The following WDR47 variants were observed in gnomAD, a reference collection of about 807,000 sequenced individuals.
The protein encoded by WDR47 is WD repeat-containing protein 47.
In WDR47, 32 loss-of-function variants were observed where a neutral mutation model predicts 97.2. The observed-to-expected ratio is 0.33, with a 90% CI of 0.25 to 0.44. WDR47 has a LOEUF of 0.44. Ranked by LOEUF, WDR47 falls within the 20% of genes least tolerant of loss-of-function variation. The pLI is 1.00. For missense variants in WDR47, 782 were observed against 1,102.3 expected (o/e 0.71, Z 4.11); for synonymous variants, 375 against 373.5 (o/e 1.00, Z -0.05).
At chr1:109,036,968 C>T (rs534988596) in intron 1 of WDR47, among the ~76,000 whole-genome samples, 122 of 152,304 alleles carry the variant, frequency 8.0e-4, no homozygotes, top group African/African-American at 2.8e-3. Flanking sequence ...TTCTTTATAT[C>T]ATCATCTATT....
intron 7 of WDR47, among the ~76,000 whole-genome samples, chr1:109,000,839 C>A (rs572959004): frequency 3.2e-4 from 48 of 152,262 alleles, no homozygotes; most frequent in African/African-American, 1.1e-3. Context: ...AGCTAACAGT[C>A]ACCATTACAG....
At position 108,991,271 on chromosome 1, in the gene WDR47, T is replaced by G. The variant is rs1173851620; in HGVS notation, c.1750A>C (p.Arg584=). The change falls in exon 9 of 15, where the codon AGG becomes CGG. Residue 584 remains arginine, a synonymous_variant. Coordinates refer to ENST00000369962, the MANE Select transcript of WDR47 (RefSeq NM_001142551.2). ...PLGDSPGSLS[R]SKGEEDDKSK... ...AGTATTACCTCTTCCCCTTTCGACC[T>G]TGAAAGACTCCCTGGAGAATCTCCA... 1.2e-6 allele frequency: 2 copies of G among 1,613,210 alleles called. No individual in the cohort carries two copies. Among genetic ancestry groups the G allele is most frequent in the Non-Finnish European group, 1.7e-6 (2 of 1,179,346 alleles).
intron 7 of WDR47, among the ~76,000 whole-genome samples, chr1:108,999,117 C>A (rs112433561): frequency 2.0e-5 from 3 of 151,926 alleles, no homozygotes; most frequent in African/African-American, 7.2e-5. Context: ...ATTCCAGCTA[C>A]TTGGGAGGCT....
chr1:109,038,001 A>AT (rs1326240005), intron 1 of WDR47, among the ~76,000 whole-genome samples: 25 of 147,876 alleles, frequency 1.7e-4, no homozygotes, highest in Admixed American at 3.4e-4. Flanking sequence ...CTCAGCTAGC[A>AT]TTTTTTTTTT....
intron 1 of WDR47, among the ~76,000 whole-genome samples, chr1:109,032,999 T>C (rs1018424086): frequency 2.0e-5 from 3 of 149,480 alleles, no homozygotes; most frequent in Non-Finnish European, 4.5e-5. Context: ...AAAACACACA[T>C]AAAGAGTTAA....
rs1658506509 is a variant in WDR47, at chr1:108,983,461, A to C, written c.1926-10T>G. 6.5e-7 allele frequency: 1 copy of C among 1,533,766 alleles called. No homozygotes were observed. The highest frequency in any genetic ancestry group is 1.3e-5 in the South Asian group (1 of 78,768). On this transcript the variant is annotated splice_polypyrimidine_tract_variant and intron_variant, in intron 10 of 14. Coordinates refer to ENST00000369962, the MANE Select transcript of WDR47 (RefSeq NM_001142551.2). ...AGGAGTCTCATGTGCACTGAAAAGA[A>C]AAATTACAGAAATATATTTCAATTT...
At chr1:109,012,443 G>A (rs1369223973) in intron 4 of WDR47, among the ~76,000 whole-genome samples, 6 of 151,652 alleles carry the variant, frequency 4.0e-5, no homozygotes, top group African/African-American at 1.5e-4. Context: ...CACAGTGGCG[G>A]GCACCTGTAA....
intron 14 of WDR47, among the ~76,000 whole-genome samples, chr1:108,972,436 C>T (rs932536944): frequency 2.0e-5 from 3 of 152,078 alleles, no homozygotes; most frequent in Non-Finnish European, 4.4e-5. Flanking sequence ...CAGCTCCTAT[C>T]CCTTCCAGTT....
chr1:108,977,050 G>C (rs965549320), intron 13 of WDR47, among the ~76,000 whole-genome samples: 14 of 152,232 alleles, frequency 9.2e-5, no homozygotes, highest in African/African-American at 3.4e-4. Context: ...ACAAGTGAAA[G>C]TGTATGGTAA....
intron 1 of WDR47, chr1:109,030,128 GA>G: frequency 8.4e-7 from 1 of 1,193,404 alleles, no homozygotes; most frequent in Non-Finnish European, 1.2e-6. Flanking sequence ...AACACAAGAA[GA>G]AACGCCTGGT....
chr1:108,992,313 C>T, intron 8 of WDR47: 5 of 774,476 alleles, frequency 6.5e-6, no homozygotes, highest in Non-Finnish European at 1.2e-5. Flanking sequence ...CCGGAGAACC[C>T]CACGGAATCA....
chr1:109,023,962 T>A (rs1208382757), intron 1 of WDR47, among the ~76,000 whole-genome samples: 1 of 152,226 alleles, frequency 6.6e-6, no homozygotes, highest in African/African-American at 2.4e-5. Flanking sequence ...CATGTTTAGC[T>A]ATGTCCCAAA....
chr1:109,027,564 C>CTG (rs1662297225), intron 1 of WDR47, among the ~76,000 whole-genome samples: 1 of 151,976 alleles, frequency 6.6e-6, no homozygotes, highest in Admixed American at 6.6e-5. Flanking sequence ...TGCTCTGTCA[C>CTG]CCAGGCAAGA....
chr1:108,980,508 C>A (rs954984958), intron 13 of WDR47, among the ~76,000 whole-genome samples: 1 of 152,052 alleles, frequency 6.6e-6, no homozygotes, highest in Non-Finnish European at 1.5e-5. Context: ...GCAGGTAGAT[C>A]ACCTGAGGTC....
intron 1 of WDR47, among the ~76,000 whole-genome samples, chr1:109,040,226 T>A (rs889500648): frequency 3.3e-5 from 5 of 152,192 alleles, no homozygotes; most frequent in African/African-American, 1.2e-4. Flanking sequence ...ACAGGTAATC[T>A]GATTTTTCAG....
At chr1:108,975,748 G>A (rs1478878886) in intron 13 of WDR47, among the ~76,000 whole-genome samples, 3 of 151,460 alleles carry the variant, frequency 2.0e-5, no homozygotes. Context: ...TAAAAAAATG[G>A]GACACAAGTT....
At chr1:109,033,610 A>G (rs1261175030) in intron 1 of WDR47, among the ~76,000 whole-genome samples, 1 of 152,244 alleles carries the variant, frequency 6.6e-6, no homozygotes, top group Non-Finnish European at 1.5e-5. Context: ...AAATGCCTTC[A>G]TATACTGTTG....
chr1:109,037,338 A>C (rs1663027722), intron 1 of WDR47, among the ~76,000 whole-genome samples: 1 of 149,242 alleles, frequency 6.7e-6, no homozygotes. Context: ...TAAAAAAAAA[A>C]AAACAAAAAA....
Position 108,982,500 on chromosome 1 carries a change from C to T in WDR47, c.2266+109G>A, listed in dbSNP as rs1453270554. 3.0e-6 allele frequency: 4 copies of T among 1,347,202 alleles called. No homozygotes were observed. The East Asian group carries it at 9.5e-5, about 32-fold the overall frequency. 83.5% of individuals were successfully genotyped at this position (1,347,202 alleles called of 1,614,324 possible). A position where few individuals can be genotyped will look rare whatever the true frequency, so the allele number is the denominator to read the frequency against. ...TGAGCTGTGATTGTGCCACTGCACT[C>T]TGGACAGTAAGAGCAAGACCCTGTC... On this transcript the variant is annotated intron_variant, in intron 12 of 14. Transcript: ENST00000369962.
Sources: allele counts gnomAD v4.1 joint callset (sites outside exome capture counted in the v4.1 genomes callset), GRCh38; gene constraint gnomAD v4.1.1; transcripts MANE v1.5; gene names NCBI Gene and HGNC (gene_info 2026-07-23, HGNC 2026-07-21).